The following EYA4 variants were observed in gnomAD, a reference collection of about 807,000 sequenced individuals.
EYA4 encodes protein phosphatase EYA4.
Under a neutral mutation model 87.9 loss-of-function variants are expected in EYA4, and 31 were observed. That is an observed-to-expected ratio of 0.35 (90% CI 0.27 to 0.48). The LOEUF (loss-of-function observed/expected upper bound fraction) is 0.48, where lower values mean the gene tolerates loss of function less well. EYA4 is among the 20% of genes least tolerant of loss of function. The pLI, the probability that EYA4 is intolerant of heterozygous loss-of-function variation, is 0.99. For missense variants in EYA4, 678 were observed against 761.4 expected, an observed-to-expected ratio of 0.89 and a Z score of 1.29; for synonymous variants, 263 against 270.6, an observed-to-expected ratio of 0.97 and a Z score of 0.28.
intron 2 of EYA4, among the ~76,000 whole-genome samples, chr6:133,323,972 T>C (rs1047845748): frequency 1.3e-5 from 2 of 152,162 alleles, no homozygotes; most frequent in Non-Finnish European, 2.9e-5. Context: ...ATGAACTTTT[T>C]GGGATTAAAA....
chr6:133,499,065 T>G (rs17641157), intron 13 of EYA4, among the ~76,000 whole-genome samples: 18,060 of 152,216 alleles, frequency 0.12, 1,315 homozygotes, highest in Middle Eastern at 0.17. Context: ...TGGTAACTAA[T>G]CTCTTAAAAA....
At chr6:133,473,104 G>A (rs1378640414) in intron 11 of EYA4, among the ~76,000 whole-genome samples, 1 of 151,948 alleles carries the variant, frequency 6.6e-6, no homozygotes, top group East Asian at 1.9e-4. Context: ...TCATTAATTT[G>A]TTCAAGTATA....
intron 1 of EYA4, among the ~76,000 whole-genome samples, chr6:133,259,828 A>G (rs1233601472): frequency 6.6e-6 from 1 of 152,188 alleles, no homozygotes; most frequent in East Asian, 1.9e-4. Flanking sequence ...ATTCCTGAGA[A>G]ATTAATGTTA....
chr6:133,434,827 A>G (rs1209305578), intron 3 of EYA4, among the ~76,000 whole-genome samples: 4 of 152,102 alleles, frequency 2.6e-5, no homozygotes, highest in Non-Finnish European at 5.9e-5. Flanking sequence ...TTTTTCTTAG[A>G]AAAAAACAGT....
At chr6:133,511,998 G>T (rs554009099) in intron 14 of EYA4, among the ~76,000 whole-genome samples, 14 of 151,660 alleles carry the variant, frequency 9.2e-5, no homozygotes, top group African/African-American at 3.4e-4. Flanking sequence ...AAAAAATCAG[G>T]TCAATTGTGT....
chr6:133,297,868 G>A (rs1049403350), intron 2 of EYA4, among the ~76,000 whole-genome samples: 5 of 152,156 alleles, frequency 3.3e-5, no homozygotes, highest in African/African-American at 4.8e-5. Flanking sequence ...CAGCTATGTG[G>A]GGTGGATATT....
In EYA4 at chr6:133,476,162, A is replaced by G. The variant is rs539044245; in HGVS notation, c.971-5301A>G. On this transcript the variant is annotated intron_variant, in intron 11 of 19. Coordinates refer to ENST00000355286, the MANE Select transcript of EYA4 (RefSeq NM_004100.5). ...AAAGAAATTGTATCTATTTTTGTGTATAACCCATTGTTTTGAAATACATTT... is the reference window on the plus strand; with the variant it reads ...AAAGAAATTGTATCTATTTTTGTGTGTAACCCATTGTTTTGAAATACATTT... Among the ~76,000 whole-genome samples the G allele has an allele frequency of 3.1e-4, 47 of 152,228 alleles. No homozygotes were observed. In the South Asian group the frequency reaches 9.7e-3, roughly 32 times the overall value.
intron 2 of EYA4, among the ~76,000 whole-genome samples, chr6:133,329,918 T>C (rs1781791925): frequency 6.6e-6 from 1 of 152,008 alleles, no homozygotes; most frequent in Non-Finnish European, 1.5e-5. Context: ...AGAAGGAACA[T>C]GATTTGTCAG....
chr6:133,398,463 G>A (rs1184080299), intron 3 of EYA4, among the ~76,000 whole-genome samples: 2 of 152,110 alleles, frequency 1.3e-5, no homozygotes, highest in Non-Finnish European at 2.9e-5. Context: ...TATAAGGACA[G>A]GTTTCAATTT....
upstream of EYA4, among the ~76,000 whole-genome samples, chr6:133,241,093 GGACATCCAGGGCCCCGA>G (rs202191266): frequency 0.028 from 4,316 of 152,130 alleles, 189 homozygotes; most frequent in African/African-American, 0.094. Context: ...GCGCCACCCG[GGACATCCAGGGCCCCGA>G]GGCCCTGGGC....
rs78759537 is a variant in EYA4 at position 133,333,911 on chromosome 6, G to T, written c.34-48481G>T. The stretch of plus-strand genomic sequence containing the variant: ...AGCTAATCTTGCCTTCTGAAAAAAG[G>T]TTTTTTTAGGGTAAGGAACTTTACT... On this transcript the variant is annotated intron_variant, in intron 2 of 19. Coordinates refer to ENST00000355286, the MANE Select transcript of EYA4 (RefSeq NM_004100.5). Among the ~76,000 whole-genome samples the T allele has an allele frequency of 4.2e-3, 640 of 152,180 alleles. 2 individuals carry two copies. The highest frequency in any genetic ancestry group is 0.015 in the African/African-American group (615 of 41,518).
chr6:133,295,927 C>A lies in EYA4; in HGVS notation c.33+21114C>A, dbSNP rs117016885. On this transcript the variant is annotated intron_variant, in intron 2 of 19. Coordinates refer to ENST00000355286, the MANE Select transcript of EYA4 (RefSeq NM_004100.5). ...ATTCTAGTGAAGGAAATAGAATATA[C>A]AAATATGTCTAGTGGCATTAAGTGC... is the stretch of plus-strand genomic sequence containing the variant. 5.3e-3 allele frequency among the ~76,000 whole-genome samples: 806 copies of A among 152,202 alleles called. 5 individuals carry two copies. Among genetic ancestry groups the A allele is most frequent in the Non-Finnish European group, 8.3e-3 (563 of 68,000 alleles).
intron 3 of EYA4, among the ~76,000 whole-genome samples, chr6:133,424,628 A>T (rs932998072): frequency 1.3e-5 from 2 of 151,200 alleles, no homozygotes; most frequent in East Asian, 2.0e-4. Flanking sequence ...AGAAGCTCCC[A>T]CCCTGCCAAC....
chr6:133,516,670 G>C (rs1169410034), intron 17 of EYA4, among the ~76,000 whole-genome samples: 1 of 151,180 alleles, frequency 6.6e-6, no homozygotes, highest in Non-Finnish European at 1.5e-5. Flanking sequence ...GTTACACTGA[G>C]CTGAGATCAT....
At chr6:133,404,978 GA>G (rs1186633357) in intron 3 of EYA4, among the ~76,000 whole-genome samples, 1 of 152,112 alleles carries the variant, frequency 6.6e-6, no homozygotes, top group African/African-American at 2.4e-5. Flanking sequence ...GCTGCCTTCA[GA>G]CATGCTATTC....
At chr6:133,502,072 A>ACTCTCT (rs767862152) in intron 13 of EYA4, among the ~76,000 whole-genome samples, 3 of 120,000 alleles carry the variant, frequency 2.5e-5, no homozygotes. Flanking sequence ...TCTCTCTCTC[A>ACTCTCT]CTCTCTCTCT....
intron 3 of EYA4, among the ~76,000 whole-genome samples, chr6:133,430,540 A>G (rs893120510): frequency 4.8e-4 from 73 of 152,362 alleles, no homozygotes; most frequent in African/African-American, 1.7e-3. Context: ...GATGAAAAAT[A>G]TTAGAGATTC....
chr6:133,413,980 C>G (rs1789484395), intron 3 of EYA4, among the ~76,000 whole-genome samples: 1 of 152,138 alleles, frequency 6.6e-6, no homozygotes, highest in Non-Finnish European at 1.5e-5. Flanking sequence ...TCACAATTCC[C>G]TAGAAAAATG....
At position 133,383,517 on chromosome 6, in the gene EYA4, C is replaced by CAAAAAAAAAAAAA. The variant is rs768724484; in HGVS notation, c.83+1092_83+1104dup. On this transcript the variant is annotated intron_variant, in intron 3 of 19. Transcript: ENST00000355286. Reference sequence around the variant, plus strand: ...TGGGCGACAGAGCGAGACTCCATCTCAAAAAAAAAAAAAAAAAAAAAAAAA... The same window carrying CAAAAAAAAAAAAA: ...TGGGCGACAGAGCGAGACTCCATCTCAAAAAAAAAAAAAAAAAAAAAAAAAAAAAAAAAAAAAA... Among the ~76,000 whole-genome samples, 92 of 45,236 alleles carry CAAAAAAAAAAAAA rather than the reference C, an allele frequency of 2.0e-3. 13 individuals carry two copies. Among genetic ancestry groups the CAAAAAAAAAAAAA allele is most frequent in the African/African-American group, 6.6e-3 (74 of 11,204 alleles). 29.7% of individuals were successfully genotyped at this position (45,236 alleles called of 152,430 possible). A position where few individuals can be genotyped will look rare whatever the true frequency, so the allele number is the denominator to read the frequency against.
Sources: gnomAD v4.1 joint callset for allele counts (sites outside exome capture counted in the v4.1 genomes callset) on GRCh38, gnomAD v4.1.1 for gene constraint, MANE v1.5 for transcripts, NCBI Gene and HGNC (gene_info 2026-07-23, HGNC 2026-07-21) for gene names.